The following FHOD3 variants were observed in gnomAD, a reference collection of about 807,000 sequenced individuals.
The protein encoded by FHOD3 is formin homology 2 domain containing 3.
FHOD3 carries 90 observed loss-of-function variants against 173.0 expected under a neutral mutation model. The ratio of observed to expected loss-of-function variants is 0.52; its 90% CI spans 0.44 to 0.62. The LOEUF (loss-of-function observed/expected upper bound fraction) is 0.62. Among genes scored for constraint, FHOD3 ranks in the 20% least tolerant of loss-of-function variants. FHOD3 has a pLI of 0.00. For synonymous variants in FHOD3, 828 were observed against 823.0 expected (o/e 1.01, Z -0.10); for missense variants, 1,945 against 2,034.7 (o/e 0.96, Z 0.85).
intron 9 of FHOD3, among the ~76,000 whole-genome samples, chr18:36,617,567 G>T (rs1320525452): frequency 7.1e-6 from 1 of 141,486 alleles, no homozygotes; most frequent in Admixed American, 7.2e-5. Context: ...GCTACTACGA[G>T]AGTTCTTGTA....
rs1567982412 is a variant in FHOD3 at position 36,779,459 on chromosome 18, C to G, written c.4798C>G (p.Leu1600Val). ...RANRKSLRRT[L>V]KSGLTPEEAR... ...CACCACCACTGCAGTGCGAAGAACC[C>G]TGAAGAGCGGCCTGACCCCAGAAGA... is the stretch of plus-strand genomic sequence containing the variant. The change falls in exon 29 of 29, where the codon CTG becomes GTG. Residue 1600 changes from leucine to valine, a missense_variant. Around this residue, in one of 5 missense-constraint regions of FHOD3, gnomAD observed 354 missense variants for 359.9 expected, o/e 0.98. Transcript: ENST00000590592. 6.2e-7 allele frequency: 1 copy of G among 1,614,208 alleles called. No individual in the cohort carries two copies.
chr18:36,510,076 T>C (rs1489580605), intron 4 of FHOD3, among the ~76,000 whole-genome samples: 1 of 152,192 alleles, frequency 6.6e-6, no homozygotes, highest in Admixed American at 6.5e-5. Flanking sequence ...CTCTCATGTT[T>C]TCTAGGTGTG....
chr18:36,770,802 C>T (rs565909263), intron 28 of FHOD3, among the ~76,000 whole-genome samples: 83 of 152,302 alleles, frequency 5.4e-4, no homozygotes, highest in African/African-American at 2.0e-3. Context: ...CACCCACACA[C>T]ACTACTTCAG....
chr18:36,779,450 C>G lies in FHOD3; in HGVS notation c.4789C>G (p.Arg1597Gly). 1 of 1,614,150 alleles carries G rather than the reference C, an allele frequency of 6.2e-7. No homozygotes were observed. Among genetic ancestry groups the G allele is most frequent in the Non-Finnish European group, 8.5e-7 (1 of 1,180,022 alleles). ...TGTGACCTGCACCACCACTGCAGTG[C>G]GAAGAACCCTGAAGAGCGGCCTGAC... ...KRSRANRKSL[R>G]RTLKSGLTPE... is the part of the protein sequence containing the mutation. Residue 1597 changes from arginine to glycine, a missense_variant and splice_region_variant, in exon 29 of 29, where the codon CGA becomes GGA. By Grantham distance (125) the Arg-to-Gly change is moderately radical (BLOSUM62 -2). Transcript: ENST00000590592.
intron 8 of FHOD3, among the ~76,000 whole-genome samples, chr18:36,609,396 A>G (rs1436467645): frequency 1.3e-5 from 2 of 152,012 alleles, no homozygotes; most frequent in Admixed American, 6.6e-5. Context: ...TAAAAGATGT[A>G]TAGCACCCTC....
intron 14 of FHOD3, among the ~76,000 whole-genome samples, chr18:36,674,051 A>G (rs1336532730): frequency 6.6e-6 from 1 of 152,252 alleles, no homozygotes; most frequent in East Asian, 1.9e-4. Flanking sequence ...CTAAAATTTC[A>G]GTCTGCCATT....
rs1451276225 is a variant in FHOD3 at position 36,652,786 on chromosome 18, CA to C, written c.1504del (p.Thr502HisfsTer5). The C allele has an allele frequency of 5.9e-6, 9 of 1,536,060 alleles. No individual in the cohort carries two copies. Among genetic ancestry groups the C allele is most frequent in the Non-Finnish European group, 7.8e-6 (9 of 1,146,744 alleles). ...PASAARPSSA[T>X]PGSLKVSPTI... ...CCTCAGCTGCTCGGCCCTCCTCCGC[CA>C]CACCAGGCTCCCTGAAGGTGTCACC... On this transcript the variant is annotated frameshift_variant, in exon 12 of 29. Coordinates refer to ENST00000590592, the MANE Select transcript of FHOD3 (RefSeq NM_001281740.3). LOFTEE classifies it high-confidence loss of function.
At chr18:36,540,853 C>T (rs1234117628) in intron 5 of FHOD3, among the ~76,000 whole-genome samples, 1 of 152,146 alleles carries the variant, frequency 6.6e-6, no homozygotes, top group Non-Finnish European at 1.5e-5. Flanking sequence ...TCTTGACTTC[C>T]CCTAATCCTC....
chr18:36,392,499 G>A lies in FHOD3; in HGVS notation c.337+19755G>A, dbSNP rs73418932. Among the ~76,000 whole-genome samples, 267 of 152,252 alleles carry A rather than the reference G, an allele frequency of 1.8e-3. 2 individuals are homozygous for A. Among genetic ancestry groups the A allele is most frequent in the African/African-American group, 5.9e-3 (244 of 41,522 alleles). Reference sequence around the variant, plus strand: ...GCTAAGAAAGCCCTCCCTGAGTAGTGGCCAAAGCTGAACTGTGTCTGCTAA... The same window carrying A: ...GCTAAGAAAGCCCTCCCTGAGTAGTAGCCAAAGCTGAACTGTGTCTGCTAA... On this transcript the variant is annotated intron_variant, in intron 3 of 28. Coordinates refer to ENST00000590592, the MANE Select transcript of FHOD3 (RefSeq NM_001281740.3).
At chr18:36,682,399 G>A (rs2038310193) in intron 15 of FHOD3, among the ~76,000 whole-genome samples, 1 of 150,856 alleles carries the variant, frequency 6.6e-6, no homozygotes, top group African/African-American at 2.4e-5. Flanking sequence ...TTAATCCTTT[G>A]AAGTCATTTA....
chr18:36,361,680 C>T (rs1180858065), intron 2 of FHOD3, among the ~76,000 whole-genome samples: 5 of 138,516 alleles, frequency 3.6e-5, no homozygotes, highest in African/African-American at 1.1e-4. Flanking sequence ...AGCAAGACTC[C>T]GTCTCAAAAA....
chr18:36,582,910 C>T (rs1241011367), intron 6 of FHOD3, among the ~76,000 whole-genome samples: 4 of 152,158 alleles, frequency 2.6e-5, no homozygotes, highest in Non-Finnish European at 2.9e-5. Flanking sequence ...TGCGTGTCTG[C>T]GATTGATTGA....
At chr18:36,527,173 A>G (rs1350537069) in intron 5 of FHOD3, among the ~76,000 whole-genome samples, 2 of 151,940 alleles carry the variant, frequency 1.3e-5, no homozygotes, top group African/African-American at 4.8e-5. Flanking sequence ...CCCTCTGACT[A>G]CCTTCTCTGG....
rs140905587 is a variant in FHOD3 at position 36,712,044 on chromosome 18, A to G, written c.2533+2653A>G. ...CTACCCTCCTCATCTGCAATGAGCC[A>G]GTGTGAGTCAGCGCTCTTGCTGGGG... On this transcript the variant is annotated intron_variant, in intron 18 of 28. Coordinates refer to ENST00000590592, the MANE Select transcript of FHOD3 (RefSeq NM_001281740.3). Among the ~76,000 whole-genome samples the G allele has an allele frequency of 1.9e-3, 291 of 152,334 alleles. 1 individual carries two copies. The highest frequency in any genetic ancestry group is 4.1e-3 in the Admixed American group (63 of 15,310).
intron 14 of FHOD3, among the ~76,000 whole-genome samples, chr18:36,676,983 C>A (rs954232300): frequency 1.3e-5 from 2 of 152,104 alleles, no homozygotes; most frequent in African/African-American, 4.8e-5. Context: ...TTTCAATGTG[C>A]ACAAATTTTA....
intron 1 of FHOD3, among the ~76,000 whole-genome samples, chr18:36,316,436 A>G (rs1309749862): frequency 6.6e-6 from 1 of 152,228 alleles, no homozygotes; most frequent in Non-Finnish European, 1.5e-5. Context: ...CCCAAATTCT[A>G]CTGCATGAGT....
chr18:36,661,862 A>G (rs999354288), intron 14 of FHOD3, among the ~76,000 whole-genome samples: 9 of 152,188 alleles, frequency 5.9e-5, no homozygotes, highest in African/African-American at 1.2e-4. Flanking sequence ...ATAGAGTAAT[A>G]TTTTCATGAA....
At chr18:36,481,907 T>C (rs1474861874) in intron 3 of FHOD3, among the ~76,000 whole-genome samples, 1 of 152,176 alleles carries the variant, frequency 6.6e-6, no homozygotes, top group Non-Finnish European at 1.5e-5. Context: ...AACAAATTAA[T>C]TCATGTTTCC....
At chr18:36,476,827 G>A (rs1477216003) in intron 3 of FHOD3, among the ~76,000 whole-genome samples, 1 of 152,224 alleles carries the variant, frequency 6.6e-6, no homozygotes, top group East Asian at 1.9e-4. Context: ...ATGAAGGTCA[G>A]TTAAGCCAAG....
Sources: allele counts gnomAD v4.1 joint callset (sites outside exome capture counted in the v4.1 genomes callset), GRCh38; gene constraint gnomAD v4.1.1; regional missense constraint gnomAD v4.1.1; transcripts MANE v1.5; gene names NCBI Gene and HGNC (gene_info 2026-07-23, HGNC 2026-07-21).